DET1: variants seen among roughly 807,000 people sequenced by gnomAD.
DET1 encodes the protein DET1 partner of COP1 E3 ubiquitin ligase.
Under a neutral mutation model 43.7 loss-of-function variants are expected in DET1, and 22 were observed. The ratio of observed to expected loss-of-function variants is 0.50; its 90% CI spans 0.36 to 0.72. The LOEUF is 0.72. DET1 is among the 30% of genes least tolerant of loss of function. DET1 has a pLI of 0.00. For missense variants in DET1, 713 were observed against 713.3 expected (o/e 1.00, Z 0.00); for synonymous variants, 315 against 266.2 (o/e 1.18, Z -1.79).
At chr15:88,530,549 T>A in intron 2 of DET1, 74 bp downstream of exon 2, 1 of 1,520,928 alleles carries the variant, frequency 6.6e-7, no homozygotes, top group South Asian at 1.3e-5. Flanking sequence ...AGGGGTGGGC[T>A]ATAAACAAAC....
At chr15:88,519,199 C>T (rs927774348) in intron 3 of DET1, among the ~76,000 whole-genome samples, 12 of 152,186 alleles carry the variant, frequency 7.9e-5, no homozygotes, top group African/African-American at 2.2e-4. Context: ...TCCTCCACAG[C>T]ACCTACCACC....
intron 7 of DET1, among the ~76,000 whole-genome samples, chr15:88,506,385 C>T (rs1033066496): frequency 8.6e-5 from 13 of 151,860 alleles, no homozygotes; most frequent in Admixed American, 4.6e-4. Context: ...CTCCCTGCCT[C>T]CTACACTAGT....
At chr15:88,524,463 C>G (rs1212282367) in intron 3 of DET1, among the ~76,000 whole-genome samples, 2 of 152,222 alleles carry the variant, frequency 1.3e-5, no homozygotes, top group Admixed American at 6.5e-5. Context: ...GGAGGAGTAC[C>G]CAACAGCTCA....
rs771416175 is a variant in DET1, at chr15:88,531,040, C to A, written c.666G>T (p.Leu222=). The change falls in exon 2 of 5, where the codon CTG becomes CTT. Residue 222 remains leucine (L), a synonymous_variant. Transcript: ENST00000268148. The surrounding 1 kb of genome is among the most constrained non-coding windows in gnomAD (Gnocchi z 6.2). ...DKVVLSHNQG[L]YLYKNILAIL... ...TGGCCAGGATGTTTTTGTACAAGTA[C>A]AGCCCTTGGTTGTGTGACAAGACCA... The A allele has an allele frequency of 5.6e-6, 9 of 1,613,448 alleles. No homozygotes were observed. The East Asian group carries it at 8.9e-5, about 16-fold the overall frequency.
At chr15:88,528,586 G>C (rs1484240611) in intron 2 of DET1, among the ~76,000 whole-genome samples, 1 of 152,194 alleles carries the variant, frequency 6.6e-6, no homozygotes, top group Admixed American at 6.5e-5. Context: ...TGGGCCCCTT[G>C]GTGGCTAGCC....
At chr15:88,530,546 G>A (rs1188586005) in intron 2 of DET1, 77 bp downstream of exon 2, 1 of 1,515,850 alleles carries the variant, frequency 6.6e-7, no homozygotes, top group Non-Finnish European at 8.8e-7. Flanking sequence ...CTGAGGGGTG[G>A]GCTATAAACA....
At chr15:88,542,479 C>A (rs1022443901) in intron 1 of DET1, among the ~76,000 whole-genome samples, 1 of 152,164 alleles carries the variant, frequency 6.6e-6, no homozygotes, top group Non-Finnish European at 1.5e-5. Context: ...CATTTATACT[C>A]CTTTTGACCC....
At chr15:88,505,311 T>C (rs1487989714) in intron 7 of DET1, 2 of 152,246 alleles carry the variant, frequency 1.3e-5, no homozygotes, top group Non-Finnish European at 1.5e-5. Flanking sequence ...TCCTTTCGCA[T>C]GAATCTCAGC....
intron 1 of DET1, among the ~76,000 whole-genome samples, chr15:88,538,279 GA>G (rs1424385591): frequency 6.6e-6 from 1 of 150,648 alleles, no homozygotes; most frequent in Admixed American, 6.6e-5. Flanking sequence ...GCACATCCAA[GA>G]ATGCAATTAA....
At chr15:88,503,625 T>A (rs918906583) in intron 8 of DET1, 2 of 152,216 alleles carry the variant, frequency 1.3e-5, no homozygotes, top group African/African-American at 4.8e-5. Context: ...GATGCCATAT[T>A]GCAAAAAGAC....
chr15:88,511,679 T>C, downstream of DET1: 1 of 907,888 alleles, frequency 1.1e-6, no homozygotes, highest in Non-Finnish European at 1.3e-6. Flanking sequence ...TAGTTTCCAC[T>C]TGACTCATAG....
intron 1 of DET1, among the ~76,000 whole-genome samples, chr15:88,543,890 G>A: frequency 6.6e-6 from 1 of 152,168 alleles, no homozygotes; most frequent in East Asian, 1.9e-4. Flanking sequence ...TGCCAAGCAA[G>A]GTTCTAAACC....
Position 88,516,715 on chromosome 15 carries a change from A to C in DET1, c.1463+67T>G. ...GTCACAATCAAATGATGTCCAGAAAAAGAGAAAAAGAAAGCAGGCCATCTT... is the reference window on the plus strand; with the variant it reads ...GTCACAATCAAATGATGTCCAGAAACAGAGAAAAAGAAAGCAGGCCATCTT... On this transcript the variant is annotated intron_variant, in intron 4 of 4. Transcript: ENST00000268148. This position sits in a 1 kb window ranked among gnomAD's most constrained non-coding sequence, Gnocchi z 4.4. The C allele has an allele frequency of 7.5e-7, 1 of 1,325,450 alleles. No individual in the cohort carries two copies. The highest frequency in any genetic ancestry group is 1.5e-5 in the African/African-American group (1 of 65,456). 82.1% of individuals were successfully genotyped at this position (1,325,450 alleles called of 1,614,324 possible).
intron 1 of DET1, among the ~76,000 whole-genome samples, chr15:88,541,215 A>T (rs928151760): frequency 8.3e-4 from 122 of 146,968 alleles, no homozygotes; most frequent in Non-Finnish European, 1.7e-3. Flanking sequence ...CTAAAAGCAC[A>T]GCACTTAATC....
rs2056118840 is a variant in DET1 at position 88,504,476 on chromosome 15, C to T, written c.*2066-489G>A. 1 of 152,152 alleles carries T rather than the reference C, an allele frequency of 6.6e-6. No individual in the cohort carries two copies. The highest frequency in any genetic ancestry group is 1.9e-4 in the East Asian group (1 of 5,200). The allele number at this position is 152,152 out of a possible 1,614,324, so 9.4% of individuals were successfully genotyped here. On this transcript the variant is annotated intron_variant and NMD_transcript_variant, in intron 7 of 8. Transcript: ENST00000557842. The surrounding 1 kb of genome is among the most constrained non-coding windows in gnomAD (Gnocchi z 4.7). ...AATTAAACCATGACAATGCTTATTG[C>T]TTGGAATCATTTTTATATTATATTA...
intron 7 of DET1, among the ~76,000 whole-genome samples, chr15:88,506,234 A>G (rs1449921208): frequency 6.6e-6 from 1 of 152,224 alleles, no homozygotes; most frequent in Non-Finnish European, 1.5e-5. Flanking sequence ...GAGGAGAAAC[A>G]GACGTGCTAA....
At chr15:88,514,538 A>G (rs2056289514) in intron 4 of DET1, among the ~76,000 whole-genome samples, 1 of 152,270 alleles carries the variant, frequency 6.6e-6, no homozygotes, top group South Asian at 2.1e-4. Context: ...TAGAAAGAGA[A>G]TAAATGCTCA....
chr15:88,520,009 C>T (rs917909434), intron 3 of DET1, among the ~76,000 whole-genome samples: 1 of 152,082 alleles, frequency 6.6e-6, no homozygotes, highest in Non-Finnish European at 1.5e-5. Flanking sequence ...TTTTAAAGCC[C>T]CCATCAGCAC....
chr15:88,536,277 T>C lies in DET1; in HGVS notation c.-10-4562A>G, dbSNP rs762417655. ...TTACTGATACACCCTATATTATTAA[T>C]GGTCTTTATCTCTTCCTGAAATTAA... On this transcript the variant is annotated intron_variant, in intron 1 of 4. Coordinates refer to ENST00000268148, the MANE Select transcript of DET1 (RefSeq NM_001144074.3). The C allele has an allele frequency of 5.4e-5, 41 of 764,978 alleles. No individual in the cohort carries two copies. The Middle Eastern group carries it at 1.1e-3, about 21-fold the overall frequency. 47.4% of individuals were successfully genotyped at this position (764,978 alleles called of 1,614,324 possible). A position where few individuals can be genotyped will look rare whatever the true frequency, so the allele number is the denominator to read the frequency against.
Sources: allele counts gnomAD v4.1 joint callset (sites outside exome capture counted in the v4.1 genomes callset), GRCh38; gene constraint gnomAD v4.1.1; non-coding constraint Gnocchi (gnomAD v3.1); transcripts MANE v1.5; gene names NCBI Gene and HGNC (gene_info 2026-07-23, HGNC 2026-07-21).